NACC2: variants seen among roughly 807,000 people sequenced by gnomAD.
NACC2 encodes nucleus accumbens-associated protein 2.
NACC2 carries 8 observed loss-of-function variants against 25.1 expected under a neutral mutation model. The observed-to-expected ratio is 0.32, with a 90% CI of 0.19 to 0.57. The LOEUF is 0.57. Among genes scored for constraint, NACC2 ranks in the 20% least tolerant of loss-of-function variants. The pLI is 0.89. For missense variants in NACC2, 644 were observed against 650.2 expected, an observed-to-expected ratio of 0.99 and a Z score of 0.10; for synonymous variants, 435 against 294.7, an observed-to-expected ratio of 1.48 and a Z score of -4.88.
chr9:136,013,177 CGAG>C lies in NACC2; in HGVS notation c.1255+19_1255+21del. The C allele has an allele frequency of 6.7e-6, 10 of 1,487,366 alleles. No individual in the cohort carries two copies. The highest frequency in any genetic ancestry group is 2.3e-5 in the East Asian group (1 of 43,290). 92.1% of individuals were successfully genotyped at this position (1,487,366 alleles called of 1,614,324 possible). A position where few individuals can be genotyped will look rare whatever the true frequency, so the allele number is the denominator to read the frequency against. ...GAACCCAGCCCCGGCCCCACCCACC[CGAG>C]AGACCCCCAGGCTCTTACATTTCAC... On this transcript the variant is annotated intron_variant, in intron 5 of 5. Transcript: ENST00000277554. The surrounding 1 kb of genome is among the most constrained non-coding windows in gnomAD (Gnocchi z 6.6).
At chr9:136,049,338 C>T (rs894215087) in intron 2 of NACC2, among the ~76,000 whole-genome samples, 6 of 152,188 alleles carry the variant, frequency 3.9e-5, no homozygotes, top group Non-Finnish European at 7.4e-5. Flanking sequence ...CCTTCACAGA[C>T]GGGGAACGTG....
intron 1 of NACC2, among the ~76,000 whole-genome samples, chr9:136,062,144 G>T (rs1203274240): frequency 3.3e-5 from 5 of 151,172 alleles, no homozygotes; most frequent in African/African-American, 1.2e-4. Context: ...GGACAGGACA[G>T]GACAGGACAG....
At chr9:136,065,085 G>C (rs1841064491) in intron 1 of NACC2, among the ~76,000 whole-genome samples, 1 of 152,186 alleles carries the variant, frequency 6.6e-6, no homozygotes, top group African/African-American at 2.4e-5. Context: ...AAATGTAAGA[G>C]CTAAAACTAT....
chr9:136,074,278 G>A (rs761471702), intron 1 of NACC2, among the ~76,000 whole-genome samples: 167 of 149,598 alleles, frequency 1.1e-3, no homozygotes, highest in Non-Finnish European at 2.1e-3. Flanking sequence ...GTGAAACCCC[G>A]TCTCTACTAA....
At chr9:136,028,376 CTTT>C (rs756007174) in intron 2 of NACC2, among the ~76,000 whole-genome samples, 12 of 133,146 alleles carry the variant, frequency 9.0e-5, no homozygotes, top group East Asian at 2.2e-4. Flanking sequence ...CCTTTGCTTC[CTTT>C]TTTTTTTTTT....
intron 1 of NACC2, among the ~76,000 whole-genome samples, chr9:136,054,000 T>C (rs1840886735): frequency 6.6e-6 from 1 of 152,178 alleles, no homozygotes; most frequent in Non-Finnish European, 1.5e-5. Context: ...AGCCACTTCC[T>C]GTAAGGACAC....
chr9:136,073,738 A>C (rs576804031), intron 1 of NACC2, among the ~76,000 whole-genome samples: 45 of 152,336 alleles, frequency 3.0e-4, no homozygotes, highest in African/African-American at 1.1e-3. Flanking sequence ...CAATTTTGGC[A>C]CAATTTGCTC....
chr9:136,015,396 G>C (rs755168408), intron 3 of NACC2, among the ~76,000 whole-genome samples: 40 of 152,172 alleles, frequency 2.6e-4, no homozygotes, highest in Non-Finnish European at 5.6e-4. Flanking sequence ...TACCCCTCCT[G>C]GCCAGGGCAG....
intron 2 of NACC2, among the ~76,000 whole-genome samples, chr9:136,028,989 T>C (rs931054488): frequency 6.6e-6 from 1 of 152,142 alleles, no homozygotes; most frequent in South Asian, 2.1e-4. Context: ...GCTAACAGCC[T>C]GGGTGTGTGT....
chr9:136,013,183 AC>A lies in NACC2; in HGVS notation c.1255+15del, dbSNP rs1840140562. 5.3e-6 allele frequency: 4 copies of A among 750,088 alleles called. No individual in the cohort carries two copies. The highest frequency in any genetic ancestry group is 1.8e-5 in the African/African-American group (1 of 54,148). The allele number at this position is 750,088 out of a possible 1,614,324, so 46.5% of individuals were successfully genotyped here. On this transcript the variant is annotated intron_variant, in intron 5 of 5. Coordinates refer to ENST00000277554, the MANE Select transcript of NACC2 (RefSeq NM_144653.5). This position sits in a 1 kb window ranked among gnomAD's most constrained non-coding sequence, Gnocchi z 6.6. ...AGCCCCGGCCCCACCCACCCGAGAG[AC>A]CCCCAGGCTCTTACATTTCACAGCG...
rs1458184729 is a variant in NACC2, at chr9:136,018,693, T to C, written c.887-2264A>G. On this transcript the variant is annotated intron_variant, in intron 2 of 5. Coordinates refer to ENST00000277554, the MANE Select transcript of NACC2 (RefSeq NM_144653.5). The surrounding 1 kb of genome is among the most constrained non-coding windows in gnomAD (Gnocchi z 4.4). The stretch of plus-strand genomic sequence containing the variant: ...AGCCCCTGCCCGGCCACTACAGGGG[T>C]CAGGCAGCATTTCCCGGTGGGGCAG... 6.7e-6 allele frequency among the ~76,000 whole-genome samples: 1 copy of C among 148,744 alleles called. No homozygotes were observed. The highest frequency in any genetic ancestry group is 2.5e-5 in the African/African-American group (1 of 40,048).
chr9:136,066,204 AAG>A (rs60945683), intron 1 of NACC2, among the ~76,000 whole-genome samples: 49,817 of 132,650 alleles, frequency 0.38, 8,817 homozygotes, highest in Non-Finnish European at 0.44. Flanking sequence ...AAAAAAAAAA[AAG>A]AAAGAAAGAA....
chr9:136,048,524 T>C (rs1328633641), intron 2 of NACC2, among the ~76,000 whole-genome samples: 1 of 152,234 alleles, frequency 6.6e-6, no homozygotes, highest in East Asian at 1.9e-4. Flanking sequence ...GCCTGTGAGC[T>C]GGCATTCTGT....
rs1840866743 is a variant in NACC2 at position 136,052,807 on chromosome 9, G to C, written c.-59-2227C>G. 5.3e-5 allele frequency among the ~76,000 whole-genome samples: 8 copies of C among 152,366 alleles called. No individual in the cohort carries two copies. In the South Asian group the frequency reaches 1.7e-3, roughly 32 times the overall value. The stretch of plus-strand genomic sequence containing the variant: ...CACACAGGCTGCACCTCCTGCCCAA[G>C]GGGGTCTGCAGCGTCTGGCTGTTAT... On this transcript the variant is annotated intron_variant, in intron 1 of 5. Transcript: ENST00000277554.
chr9:136,074,005 T>G (rs146277575), intron 1 of NACC2, among the ~76,000 whole-genome samples: 21 of 152,236 alleles, frequency 1.4e-4, no homozygotes, highest in African/African-American at 4.6e-4. Flanking sequence ...GACTATTTTT[T>G]TAAAAAAATT....
chr9:136,038,330 G>A (rs1354111008), intron 2 of NACC2, among the ~76,000 whole-genome samples: 15 of 152,276 alleles, frequency 9.9e-5, no homozygotes, highest in South Asian at 2.1e-4. Context: ...GAGCCCAGGC[G>A]TTCCAGACCA....
Position 136,049,922 on chromosome 9 carries a change from G to A in NACC2, c.600C>T (p.Gly200=), listed in dbSNP as rs1444181682. The A allele has an allele frequency of 1.0e-5, 6 of 578,988 alleles. No homozygotes were observed. Among genetic ancestry groups the A allele is most frequent in the African/African-American group, 4.0e-5 (2 of 50,450 alleles). 35.9% of individuals were successfully genotyped at this position (578,988 alleles called of 1,614,324 possible). Residue 200 remains glycine (G), a synonymous_variant, in exon 2 of 6, where the codon GGC becomes GGT. Transcript: ENST00000277554. ...CCGCAGCCCCCGCGGCCACCGCCAC[G>A]CCGTCCCGGGGCCCCGTCTCCAGCG... The part of the protein sequence containing the change: ...KRPLETGPRD[G]VAVAAGAAVA...
chr9:136,074,544 G>A (rs1041020678), intron 1 of NACC2, among the ~76,000 whole-genome samples: 11 of 150,268 alleles, frequency 7.3e-5, no homozygotes, highest in African/African-American at 2.0e-4. Context: ...AATTTCTGAG[G>A]TTATTTAAAA....
At chr9:136,063,443 G>A (rs1294203595) in intron 1 of NACC2, among the ~76,000 whole-genome samples, 1 of 152,174 alleles carries the variant, frequency 6.6e-6, no homozygotes, top group Non-Finnish European at 1.5e-5. Context: ...ATAAGAAGAG[G>A]GGCCATTTTC....
Sources: gnomAD v4.1 joint callset for allele counts (sites outside exome capture counted in the v4.1 genomes callset) on GRCh38, gnomAD v4.1.1 for gene constraint, Gnocchi (gnomAD v3.1) non-coding constraint, MANE v1.5 for transcripts, NCBI Gene and HGNC (gene_info 2026-07-23, HGNC 2026-07-21) for gene names.